The following CLSTN1 variants were observed in gnomAD, a reference collection of about 807,000 sequenced individuals.
CLSTN1 encodes calsyntenin-1.
In CLSTN1, 28 loss-of-function variants were observed where a neutral mutation model predicts 108.3. That is an observed-to-expected ratio of 0.26 (90% confidence interval 0.19 to 0.35). The LOEUF (loss-of-function observed/expected upper bound fraction) is 0.35, where lower values mean the gene tolerates loss of function less well. Among genes scored for constraint, CLSTN1 ranks in the 10% least tolerant of loss-of-function variants. CLSTN1 has a pLI of 1.00. For missense variants in CLSTN1, 1,157 were observed against 1,302.6 expected, an observed-to-expected ratio of 0.89 and a Z score of 1.72; for synonymous variants, 524 against 534.9, an observed-to-expected ratio of 0.98 and a Z score of 0.28.
chr1:9,744,283 C>A (rs1172366593), intron 8 of CLSTN1, 112 bp downstream of exon 8: 10 of 1,443,020 alleles, frequency 6.9e-6, no homozygotes, highest in Non-Finnish European at 9.3e-6. Flanking sequence ...TGGCACATGG[C>A]CTACGAGCAC....
intron 1 of CLSTN1, among the ~76,000 whole-genome samples, chr1:9,807,706 G>C (rs904383915): frequency 6.6e-6 from 1 of 152,174 alleles, no homozygotes; most frequent in Non-Finnish European, 1.5e-5. Context: ...CACCGCCCCC[G>C]GTTGTGGCTC....
At chr1:9,746,927 C>T (rs959460966) in intron 7 of CLSTN1, among the ~76,000 whole-genome samples, 1 of 151,976 alleles carries the variant, frequency 6.6e-6, no homozygotes, top group African/African-American at 2.4e-5. Context: ...TGCATATAAT[C>T]CCAGCACTTT....
At chr1:9,795,662 A>G (rs984267282) in intron 1 of CLSTN1, among the ~76,000 whole-genome samples, 29 of 151,484 alleles carry the variant, frequency 1.9e-4, no homozygotes, top group African/African-American at 6.0e-4. Context: ...TTAAGGAAAT[A>G]AAGGACACTG....
At chr1:9,754,368 T>C (rs928053084) in intron 4 of CLSTN1, among the ~76,000 whole-genome samples, 4 of 152,006 alleles carry the variant, frequency 2.6e-5, no homozygotes, top group Admixed American at 6.6e-5. Flanking sequence ...GATACCAGCC[T>C]GGCCAACATG....
intron 1 of CLSTN1, among the ~76,000 whole-genome samples, chr1:9,776,862 TTATC>T (rs70998308): frequency 0.086 from 12,079 of 140,040 alleles, 596 homozygotes; most frequent in Admixed American, 0.12. Flanking sequence ...CTATCAGCAT[TTATC>T]TATCTATCTA....
At chr1:9,731,581 G>A (rs12042293) in intron 17 of CLSTN1, among the ~76,000 whole-genome samples, 180 bp downstream of exon 17, 23,137 of 152,256 alleles carry the variant, frequency 0.15, 3,182 homozygotes, top group African/African-American at 0.35. Context: ...CCTGCTCCAT[G>A]GCTGCGGGTG....
rs997190180 is a variant in CLSTN1 at position 9,820,419 on chromosome 1, T to C, written c.91+3224A>G. ...CTGTAGTCCCAGCTACTGGTGAGGC[T>C]GAGGCAGAAGAATCTCTTGAACCCG... On this transcript the variant is annotated intron_variant, in intron 1 of 18. Coordinates refer to ENST00000377298, the MANE Select transcript of CLSTN1 (RefSeq NM_001009566.3). 2.0e-5 allele frequency among the ~76,000 whole-genome samples: 3 copies of C among 152,032 alleles called. No individual in the cohort carries two copies. In the South Asian group the frequency reaches 6.2e-4, roughly 31 times the overall value.
At chr1:9,803,980 T>C (rs1443678392) in intron 1 of CLSTN1, among the ~76,000 whole-genome samples, 2 of 152,122 alleles carry the variant, frequency 1.3e-5, no homozygotes, top group Admixed American at 1.3e-4. Context: ...ATTAATATGG[T>C]GAAAGGATAC....
At chr1:9,783,535 T>G (rs1162717747) in intron 1 of CLSTN1, among the ~76,000 whole-genome samples, 7 of 132,106 alleles carry the variant, frequency 5.3e-5, no homozygotes, top group Admixed American at 2.2e-4. Context: ...GCTTGGCCAA[T>G]GTGGTGAAAC....
chr1:9,759,235 A>G (rs1390103413), intron 2 of CLSTN1, among the ~76,000 whole-genome samples: 1 of 152,216 alleles, frequency 6.6e-6, no homozygotes, highest in African/African-American at 2.4e-5. Flanking sequence ...ACTTCATAAC[A>G]TGAGAAAATT....
At chr1:9,768,107 G>A (rs777966501) in intron 2 of CLSTN1, among the ~76,000 whole-genome samples, 9 of 152,134 alleles carry the variant, frequency 5.9e-5, no homozygotes, top group East Asian at 1.9e-4. Context: ...GCAGAGCTAC[G>A]ATTCACTCAC....
At chr1:9,787,102 T>C (rs969100866) in intron 1 of CLSTN1, among the ~76,000 whole-genome samples, 1 of 151,030 alleles carries the variant, frequency 6.6e-6, no homozygotes, top group African/African-American at 2.4e-5. Flanking sequence ...AGAGTCTAGG[T>C]ATCTCCCGCA....
chr1:9,744,559 T>C lies in CLSTN1; in HGVS notation c.1070A>G (p.His357Arg), dbSNP rs1421057338. 6.2e-7 allele frequency: 1 copy of C among 1,613,442 alleles called. No homozygotes were observed. The highest frequency in any genetic ancestry group is 2.2e-5 in the East Asian group (1 of 44,864). ...GAACTCAAACACCTGGTCGCTGTCG[T>C]GGCCATTGTCGGTGGGCAGGCCCAT... ...WTMGLPTDNG[H>R]DSDQVFEFNG... Residue 357 changes from histidine to arginine, a missense_variant, in exon 8 of 19, where the codon CAC (histidine) becomes CGC (arginine). Transcript: ENST00000377298.
rs1183947761 is a variant in CLSTN1 at position 9,730,830 on chromosome 1, A to G, written c.2749-125T>C. The G allele has an allele frequency of 5.5e-6, 5 of 916,032 alleles. No homozygotes were observed. The highest frequency in any genetic ancestry group is 4.4e-5 in the Admixed American group (2 of 45,218). The allele number at this position is 916,032 out of a possible 1,614,324, so 56.7% of individuals were successfully genotyped here. ...CCAGCGTCTCCCTCCCCAGCGACAG[A>G]GCAGCCAGGACGGCACCGGAAGTTA... On this transcript the variant is annotated intron_variant, in intron 18 of 18. Transcript: ENST00000377298. This position sits in a 1 kb window ranked among gnomAD's most constrained non-coding sequence, Gnocchi z 5.6.
chr1:9,783,522 C>G (rs1014011934), intron 1 of CLSTN1, among the ~76,000 whole-genome samples: 16 of 152,032 alleles, frequency 1.1e-4, no homozygotes, highest in African/African-American at 3.6e-4. Flanking sequence ...GAGTTCGAGA[C>G]CAGCTTGGCC....
chr1:9,821,054 C>T (rs1619083), intron 1 of CLSTN1, among the ~76,000 whole-genome samples: 6,911 of 152,244 alleles, frequency 0.045, 155 homozygotes, highest in Non-Finnish European at 0.052. Context: ...TTCTATTTCC[C>T]GATCTCCATG....
intron 1 of CLSTN1, among the ~76,000 whole-genome samples, chr1:9,819,652 G>A (rs1161130718): frequency 6.6e-6 from 1 of 152,096 alleles, no homozygotes; most frequent in Admixed American, 6.6e-5. Context: ...GCCAAAGGAC[G>A]AATTCCAGCT....
chr1:9,792,210 C>A (rs960440886), intron 1 of CLSTN1, among the ~76,000 whole-genome samples: 21 of 150,836 alleles, frequency 1.4e-4, no homozygotes, highest in African/African-American at 4.4e-4. Context: ...ACAACAACAA[C>A]AACAAAAAAA....
rs752627658 is a variant in CLSTN1, at chr1:9,733,544, C to A, written c.2284G>T (p.Val762Leu). The A allele has an allele frequency of 6.8e-6, 11 of 1,613,920 alleles. No homozygotes were observed. The South Asian group carries it at 1.2e-4, about 18-fold the overall frequency. The change falls in exon 16 of 19, where the codon GTG becomes TTG. Residue 762 changes from valine (V) to leucine (L), a missense_variant and splice_region_variant. Physicochemically the swap from Val to Leu is conservative, Grantham distance 32. Transcript: ENST00000377298. ...TCCTCGTAGCTGGCCATGGTGTCCA[C>A]GCCTGCAGGGGTTGAAAGGGGGAAG... Reference protein sequence around the residue: ...SSELGMTFTGVDTMASYEEVL... With the variant: ...SSELGMTFTGLDTMASYEEVL...
Sources: gnomAD v4.1 joint callset for allele counts (sites outside exome capture counted in the v4.1 genomes callset) on GRCh38, gnomAD v4.1.1 for gene constraint, Gnocchi (gnomAD v3.1) non-coding constraint, MANE v1.5 for transcripts, NCBI Gene and HGNC (gene_info 2026-07-23, HGNC 2026-07-21) for gene names.